The following PPM1L variants were observed in gnomAD, a reference collection of about 807,000 sequenced individuals.
The protein encoded by PPM1L is protein phosphatase, Mg2+/Mn2+ dependent 1L, also known as protein phosphatase 1L.
A neutral mutation model predicts 31.4 loss-of-function variants in PPM1L; 13 were observed. That is an observed-to-expected ratio of 0.41 (90% CI 0.27 to 0.66). The LOEUF (loss-of-function observed/expected upper bound fraction) is 0.66. Ranked by LOEUF, PPM1L falls within the 30% of genes least tolerant of loss-of-function variation. The pLI is 0.29. For synonymous variants in PPM1L, 184 were observed against 175.4 expected, an observed-to-expected ratio of 1.05 and a Z score of -0.39; for missense variants, 326 against 453.7, an observed-to-expected ratio of 0.72 and a Z score of 2.56.
chr3:160,975,355 G>A (rs1051194533), intron 2 of PPM1L, among the ~76,000 whole-genome samples: 2 of 152,014 alleles, frequency 1.3e-5, no homozygotes, highest in Non-Finnish European at 2.9e-5. Context: ...TGGCGATGCG[G>A]GCTCTTTTTT....
chr3:161,068,634 A>G (rs1719814680), intron 3 of PPM1L, among the ~76,000 whole-genome samples, 177 bp from the exon 4 acceptor site: 1 of 152,146 alleles, frequency 6.6e-6, no homozygotes, highest in Non-Finnish European at 1.5e-5. Flanking sequence ...ATGAGGATCA[A>G]CTGGTAGAGT....
intron 1 of PPM1L, among the ~76,000 whole-genome samples, chr3:160,809,147 G>A (rs553358498): frequency 7.9e-5 from 12 of 152,280 alleles, no homozygotes; most frequent in African/African-American, 2.9e-4. Context: ...GTAAAGTTCT[G>A]ATCTAATTCT....
intron 2 of PPM1L, among the ~76,000 whole-genome samples, chr3:161,031,971 A>G (rs1051855264): frequency 6.6e-6 from 1 of 152,186 alleles, no homozygotes; most frequent in Non-Finnish European, 1.5e-5. Flanking sequence ...TGGGGGAAGA[A>G]AAGAGAAAGA....
intron 1 of PPM1L, among the ~76,000 whole-genome samples, chr3:160,774,040 C>T (rs143383796): frequency 0.016 from 2,367 of 152,276 alleles, 30 homozygotes; most frequent in Non-Finnish European, 0.026. Context: ...GGCTCCCCTT[C>T]CTGTTTATAG....
At chr3:160,920,350 G>A (rs1287180242) in intron 1 of PPM1L, among the ~76,000 whole-genome samples, 1 of 152,120 alleles carries the variant, frequency 6.6e-6, no homozygotes, top group Non-Finnish European at 1.5e-5. Context: ...CAGGCTCCCA[G>A]TATCTCAACC....
chr3:160,821,015 G>A (rs796742106), intron 1 of PPM1L, among the ~76,000 whole-genome samples: 2 of 152,026 alleles, frequency 1.3e-5, no homozygotes, highest in South Asian at 4.1e-4. Flanking sequence ...CATTTGTAGT[G>A]CAAGATAGAG....
intron 1 of PPM1L, among the ~76,000 whole-genome samples, chr3:160,922,181 G>A (rs1714434650): frequency 6.6e-6 from 1 of 152,088 alleles, no homozygotes; most frequent in Admixed American, 6.6e-5. Flanking sequence ...GTGGTGGCAG[G>A]CACCTGTAGT....
intron 2 of PPM1L, among the ~76,000 whole-genome samples, chr3:160,982,117 C>T (rs1420549019): frequency 6.6e-6 from 1 of 152,178 alleles, no homozygotes; most frequent in African/African-American, 2.4e-5. Context: ...AAGTCCAAAG[C>T]TGGAGTGTTG....
chr3:160,942,306 G>A (rs943508029), intron 1 of PPM1L, among the ~76,000 whole-genome samples: 2 of 152,002 alleles, frequency 1.3e-5, no homozygotes, highest in African/African-American at 2.4e-5. Context: ...TATTGCCTAG[G>A]CTGGTTTCAA....
rs1715365144 is a variant in PPM1L at position 160,945,128 on chromosome 3, T to TG, written c.400-16608_400-16607insG. Among the ~76,000 whole-genome samples, 73 of 64,904 alleles carry TG rather than the reference T, an allele frequency of 1.1e-3. 1 individual carries two copies. Among genetic ancestry groups the TG allele is most frequent in the African/African-American group, 3.9e-3 (58 of 15,030 alleles). 42.6% of individuals were successfully genotyped at this position (64,904 alleles called of 152,430 possible). A position where few individuals can be genotyped will look rare whatever the true frequency, so the allele number is the denominator to read the frequency against. ...AACATATATGTTATCTATCTATCTA[T>TG]CTATCTATCTATCTATCTATCTATC... On this transcript the variant is annotated intron_variant, in intron 1 of 3. Coordinates refer to ENST00000498165, the MANE Select transcript of PPM1L (RefSeq NM_139245.4).
chr3:160,825,372 T>C (rs1713323883), intron 1 of PPM1L, among the ~76,000 whole-genome samples: 1 of 152,168 alleles, frequency 6.6e-6, no homozygotes, highest in South Asian at 2.1e-4. Context: ...TTGCCAATAT[T>C]AGACCATTTT....
chr3:161,038,764 T>A (rs1350533979), intron 2 of PPM1L, among the ~76,000 whole-genome samples: 1 of 152,148 alleles, frequency 6.6e-6, no homozygotes, highest in Admixed American at 6.6e-5. Context: ...GTCAGAGGCA[T>A]GTGAACCAGA....
chr3:161,008,050 C>G (rs1717771446), intron 2 of PPM1L, among the ~76,000 whole-genome samples: 1 of 152,166 alleles, frequency 6.6e-6, no homozygotes, highest in Admixed American at 6.5e-5. Flanking sequence ...CTCCCTGAGG[C>G]TAGCCATAGA....
At chr3:160,850,644 A>G (rs1353847981) in intron 1 of PPM1L, among the ~76,000 whole-genome samples, 3 of 152,118 alleles carry the variant, frequency 2.0e-5, no homozygotes, top group African/African-American at 7.2e-5. Flanking sequence ...TACAAAAAGA[A>G]ACATCATTTT....
At chr3:160,987,773 A>G (rs557532373) in intron 2 of PPM1L, among the ~76,000 whole-genome samples, 9 of 152,316 alleles carry the variant, frequency 5.9e-5, no homozygotes, top group East Asian at 1.9e-4. Flanking sequence ...TTTTAGTGCA[A>G]TGATTTAGGC....
At chr3:160,860,186 C>G (rs1020343936) in intron 1 of PPM1L, among the ~76,000 whole-genome samples, 4 of 152,118 alleles carry the variant, frequency 2.6e-5, no homozygotes, top group African/African-American at 9.7e-5. Flanking sequence ...GGAGTTTAAA[C>G]TTGTTTAAAA....
At chr3:160,759,883 TA>T (rs1714923143) in intron 1 of PPM1L, among the ~76,000 whole-genome samples, 1 of 152,152 alleles carries the variant, frequency 6.6e-6, no homozygotes, top group Admixed American at 6.5e-5. Flanking sequence ...GTTTATTATC[TA>T]AAAAATAGGG....
chr3:160,892,037 T>G (rs62270274), intron 1 of PPM1L, among the ~76,000 whole-genome samples: 56,750 of 151,992 alleles, frequency 0.37, 13,533 homozygotes, highest in Non-Finnish European at 0.54. Context: ...AGGAGAAATA[T>G]CTAATGTTGA....
intron 1 of PPM1L, among the ~76,000 whole-genome samples, chr3:160,811,896 T>C (rs899541405): frequency 1.3e-5 from 2 of 152,332 alleles, no homozygotes; most frequent in Admixed American, 1.3e-4. Flanking sequence ...AACAGGCTTG[T>C]GTGCAAATGG....
Sources: allele counts gnomAD v4.1 joint callset (sites outside exome capture counted in the v4.1 genomes callset), GRCh38; gene constraint gnomAD v4.1.1; transcripts MANE v1.5; gene names NCBI Gene and HGNC (gene_info 2026-07-23, HGNC 2026-07-21).